Variants in LIPJ observed in about 807,000 individuals in gnomAD.
The protein encoded by LIPJ is lipase family member J.
Under a neutral mutation model 39.8 loss-of-function variants are expected in LIPJ, and 33 were observed. The ratio of observed to expected loss-of-function variants is 0.83; its 90% CI spans 0.63 to 1.11. LIPJ has a LOEUF of 1.11. Ranked by LOEUF, LIPJ falls within the 50% of genes least tolerant of loss-of-function variation. LIPJ has a pLI of 0.00. For synonymous variants in LIPJ, 128 were observed against 139.2 expected, an observed-to-expected ratio of 0.92 and a Z score of 0.57; for missense variants, 422 against 427.9, an observed-to-expected ratio of 0.99 and a Z score of 0.12.
chr10:88,612,303 A>G, the LIPJ span, among the ~76,000 whole-genome samples: 1 of 152,230 alleles, frequency 6.6e-6, no homozygotes, highest in Non-Finnish European at 1.5e-5. Flanking sequence ...ACACCAAAAT[A>G]GAACCTCCTT....
At chr10:88,584,034 ATAAT>A (rs1362273593), upstream of LIPJ, 1 of 152,258 alleles carries the variant, frequency 6.6e-6, no homozygotes, top group Non-Finnish European at 1.5e-5. Context: ...TAAAAAACAA[ATAAT>A]TAAGTTACGC....
chr10:88,606,409 T>G (rs1411010540), intron 10 of LIPJ, among the ~76,000 whole-genome samples: 1 of 152,206 alleles, frequency 6.6e-6, no homozygotes, highest in African/African-American at 2.4e-5. Flanking sequence ...TAAACAGTAC[T>G]GAAATTACCT....
rs753640736 is a variant in LIPJ at position 88,596,393 on chromosome 10, T to C, written c.553T>C (p.Tyr185His). The C allele has an allele frequency of 2.6e-6, 4 of 1,542,952 alleles. No homozygotes were observed. In the South Asian group the frequency reaches 3.9e-5, roughly 15 times the overall value. Residue 185 changes from tyrosine (Y) to histidine (H), a missense_variant, in exon 7 of 11, where the codon TAC becomes CAC. Coordinates refer to ENST00000371939, the Ensembl canonical transcript of LIPJ. ...AAAAAGTCCTTTAATTAGAATGACATACAAATGGAAGTCAATAGTCATGGT... is the reference window on the plus strand; with the variant it reads ...AAAAAGTCCTTTAATTAGAATGACACACAAATGGAAGTCAATAGTCATGGT...
At chr10:88,586,231 GC>G, upstream of LIPJ, among the ~76,000 whole-genome samples, 1 of 151,946 alleles carries the variant, frequency 6.6e-6, no homozygotes, top group African/African-American at 2.4e-5. Context: ...TTCTCATTAC[GC>G]CCCAACCTCC....
At chr10:88,599,369 T>C (rs1369396344) in intron 8 of LIPJ, among the ~76,000 whole-genome samples, 1 of 152,028 alleles carries the variant, frequency 6.6e-6, no homozygotes, top group Non-Finnish European at 1.5e-5. Context: ...TCAAAATGTA[T>C]TTACTATATA....
chr10:88,585,370 T>C (rs893911708), upstream of LIPJ, among the ~76,000 whole-genome samples: 1 of 152,240 alleles, frequency 6.6e-6, no homozygotes, highest in African/African-American at 2.4e-5. Context: ...ATAGCTTCTT[T>C]TTTCTCATCC....
chr10:88,619,941 A>T, the LIPJ span, among the ~76,000 whole-genome samples: 236 of 152,240 alleles, frequency 1.6e-3, 1 homozygote, highest in African/African-American at 5.2e-3. Flanking sequence ...CATTTTGAAA[A>T]GACACTAAAA....
intron 10 of LIPJ, 106 bp from the exon 11 acceptor site, chr10:88,606,568 C>A: frequency 1.6e-6 from 1 of 623,222 alleles, no homozygotes; most frequent in Non-Finnish European, 2.7e-6. Flanking sequence ...TTAGATTTGA[C>A]TTATTTTAAA....
At chr10:88,595,421 C>T (rs1418721774) in intron 6 of LIPJ, among the ~76,000 whole-genome samples, 3 of 151,772 alleles carry the variant, frequency 2.0e-5, no homozygotes, top group East Asian at 3.9e-4. Flanking sequence ...CATTTCTAAG[C>T]TGAAGACTAT....
chr10:88,585,626 T>G (rs185553555), upstream of LIPJ: 152 of 151,956 alleles, frequency 1.0e-3, 1 homozygote, highest in African/African-American at 3.5e-3. Flanking sequence ...TTCAAGCCAT[T>G]AGGTTTTTTT....
At chr10:88,621,357 C>T in the LIPJ span, among the ~76,000 whole-genome samples, 6 of 152,038 alleles carry the variant, frequency 3.9e-5, no homozygotes, top group Non-Finnish European at 8.8e-5. Flanking sequence ...TTGATAGATG[C>T]AATAACATGG....
At chr10:88,598,555 G>A (rs1851339190) in intron 8 of LIPJ, among the ~76,000 whole-genome samples, 1 of 151,996 alleles carries the variant, frequency 6.6e-6, no homozygotes, top group Admixed American at 6.6e-5. Context: ...TCAAGGGTGT[G>A]TGATTATTAT....
At chr10:88,609,316 C>T (rs141533035), downstream of LIPJ, among the ~76,000 whole-genome samples, 4 of 152,140 alleles carry the variant, frequency 2.6e-5, no homozygotes, top group East Asian at 7.7e-4. Flanking sequence ...TTTGGTAAAC[C>T]TTGGCACTAA....
rs150187815 is a variant in LIPJ, at chr10:88,594,307, G to T, written c.329+163G>T. 290 of 598,164 alleles carry T rather than the reference G, an allele frequency of 4.8e-4. 1 individual carries two copies. In the African/African-American group the frequency reaches 5.1e-3, roughly 10 times the overall value. The allele number at this position is 598,164 out of a possible 1,614,324, so 37.1% of individuals were successfully genotyped here. A position where few individuals can be genotyped will look rare whatever the true frequency, so the allele number is the denominator to read the frequency against. On this transcript the variant is annotated intron_variant, in intron 5 of 10. Transcript: ENST00000371939. ...TTTGCTTGAAAATTAAAGAGTACTT[G>T]TGTGATTTTGAGTTTGATTCTTACG...
At chr10:88,593,717 G>T in intron 4 of LIPJ, 1 of 384,132 alleles carries the variant, frequency 2.6e-6, no homozygotes, top group Non-Finnish European at 4.7e-6. Flanking sequence ...ATATTTAAGT[G>T]TGATGTGACC....
chr10:88,597,071 T>C, intron 8 of LIPJ, 135 bp downstream of exon 8: 1 of 522,152 alleles, frequency 1.9e-6, no homozygotes. Flanking sequence ...TTAGCCTATC[T>C]GATTTTATGA....
exon 7 of LIPJ, chr10:88,596,328 T>C: frequency 6.5e-7 from 1 of 1,548,950 alleles, no homozygotes; most frequent in South Asian, 1.3e-5. Context: ...AGAATCAAAA[T>C]ATTTTTTGCT....
In LIPJ at chr10:88,591,507, C is replaced by A. The variant is rs756684820; in HGVS notation, c.130+9C>A. On this transcript the variant is annotated intron_variant, in intron 4 of 10. Coordinates refer to ENST00000371939, the Ensembl canonical transcript of LIPJ. ...CAATAATAAAAATCTAGGTAATATTCAATTGAAGATGGATTGGTGACAATC... is the reference window on the plus strand; with the variant it reads ...CAATAATAAAAATCTAGGTAATATTAAATTGAAGATGGATTGGTGACAATC... 22 of 1,591,048 alleles carry A rather than the reference C, an allele frequency of 1.4e-5. No homozygotes were observed. In the East Asian group the frequency reaches 4.3e-4, roughly 31 times the overall value.
intron 2 of LIPJ, among the ~76,000 whole-genome samples, chr10:88,588,996 G>T (rs1403095092): frequency 6.6e-6 from 1 of 151,734 alleles, no homozygotes; most frequent in Non-Finnish European, 1.5e-5. Context: ...TAAAATTTGG[G>T]TAAATATTTG....
Sources: allele counts gnomAD v4.1 joint callset (sites outside exome capture counted in the v4.1 genomes callset), GRCh38; gene constraint gnomAD v4.1.1; transcripts MANE v1.5; gene names NCBI Gene and HGNC (gene_info 2026-07-23, HGNC 2026-07-21).